CTTNBP2: variants seen among roughly 807,000 people sequenced by gnomAD.
CTTNBP2 encodes the protein cortactin binding protein 2.
Under a neutral mutation model 156.9 loss-of-function variants are expected in CTTNBP2, and 108 were observed. The ratio of observed to expected loss-of-function variants is 0.69; its 90% CI spans 0.59 to 0.81. The LOEUF is 0.81. CTTNBP2 is among the 30% of genes least tolerant of loss of function. The pLI is 0.00. For missense variants in CTTNBP2, 1,924 were observed against 2,035.4 expected, an observed-to-expected ratio of 0.95 and a Z score of 1.05; for synonymous variants, 767 against 751.8, an observed-to-expected ratio of 1.02 and a Z score of -0.33.
At chr7:117,736,406 T>C (rs1795691304) in intron 14 of CTTNBP2, among the ~76,000 whole-genome samples, 2 of 152,100 alleles carry the variant, frequency 1.3e-5, no homozygotes, top group South Asian at 2.1e-4. Context: ...TGCCACTGCA[T>C]TGCTGCCTGG....
chr7:117,711,627 ACTGCTG>A lies in CTTNBP2; in HGVS notation c.4896_4901del (p.Ser1633_Ser1634del). 6.2e-7 allele frequency: 1 copy of A among 1,613,974 alleles called. No homozygotes were observed. The highest frequency in any genetic ancestry group is 2.2e-5 in the East Asian group (1 of 44,866). On this transcript the variant is annotated inframe_deletion, in exon 23 of 23. Transcript: ENST00000160373. ...TGTTGATTTCTATTTGCCTTGTATT[ACTGCTG>A]CTGCTGCTTCTTTTGGTGTTCTGGG...
intron 3 of CTTNBP2, among the ~76,000 whole-genome samples, chr7:117,801,782 G>C (rs1799623377): frequency 6.6e-6 from 1 of 152,114 alleles, no homozygotes; most frequent in South Asian, 2.1e-4. Flanking sequence ...AAGCAGATTA[G>C]ATAAAATATA....
chr7:117,837,214 G>A (rs773685715), intron 2 of CTTNBP2, among the ~76,000 whole-genome samples: 1 of 152,140 alleles, frequency 6.6e-6, no homozygotes, highest in Non-Finnish European at 1.5e-5. Context: ...GAGGTATTCT[G>A]TCACTTGCAA....
intron 7 of CTTNBP2, among the ~76,000 whole-genome samples, chr7:117,779,520 C>T (rs1264271091): frequency 2.0e-5 from 3 of 150,968 alleles, no homozygotes; most frequent in South Asian, 4.2e-4. Context: ...TTTCATTCAG[C>T]CCTGTGATAC....
intron 4 of CTTNBP2, among the ~76,000 whole-genome samples, chr7:117,787,401 G>A (rs1798758397): frequency 6.6e-6 from 1 of 152,150 alleles, no homozygotes; most frequent in African/African-American, 2.4e-5. Flanking sequence ...AGCTTCAGAG[G>A]GTGGAGAAGG....
chr7:117,826,866 ATTATTATT>A (rs1801318977), intron 2 of CTTNBP2, among the ~76,000 whole-genome samples: 2 of 114,424 alleles, frequency 1.7e-5, no homozygotes, highest in Non-Finnish European at 3.7e-5. Flanking sequence ...TATTATTATT[ATTATTATT>A]ATTTTGAGAT....
At position 117,735,396 on chromosome 7, in the gene CTTNBP2, A is replaced by C; in HGVS notation, c.3561T>G (p.Ser1187=). Residue 1187 remains serine, a synonymous_variant, in exon 15 of 23, where the codon TCT becomes TCG. Coordinates refer to ENST00000160373, the MANE Select transcript of CTTNBP2 (RefSeq NM_033427.3). ...SSACLIPVKQ[S]PSKKKIIIIL... is the part of the protein sequence containing the mutation. ...TGATGATGATTTTCTTCTTACTGGG[A>C]GATTGTTTCACTGGGATCAGACAAG... is the stretch of plus-strand genomic sequence containing the variant. 1 of 1,613,414 alleles carries C rather than the reference A, an allele frequency of 6.2e-7. No individual in the cohort carries two copies. Among genetic ancestry groups the C allele is most frequent in the Non-Finnish European group, 8.5e-7 (1 of 1,179,618 alleles).
At chr7:117,774,661 C>G (rs1432997188) in intron 8 of CTTNBP2, among the ~76,000 whole-genome samples, 1 of 102,152 alleles carries the variant, frequency 9.8e-6, no homozygotes, top group Non-Finnish European at 1.8e-5. Flanking sequence ...TTCCACGAAA[C>G]TGGTCCCTGC....
chr7:117,814,186 T>C (rs1160125771), intron 2 of CTTNBP2, among the ~76,000 whole-genome samples: 2 of 152,132 alleles, frequency 1.3e-5, no homozygotes, highest in Admixed American at 1.3e-4. Context: ...GGTAAATACA[T>C]ATATCACAGA....
rs1801673153 is a variant in CTTNBP2 at position 117,832,536 on chromosome 7, T to TA, written c.190-21548_190-21547insT. Reference sequence around the variant, plus strand: ...ACTCTTTATTCTCTCTCTACTCTCATTTTTTTTTTACATACTACCACTCAT... The same window carrying TA: ...ACTCTTTATTCTCTCTCTACTCTCATATTTTTTTTTACATACTACCACTCAT... On this transcript the variant is annotated intron_variant, in intron 2 of 22. Transcript: ENST00000160373. 1.7e-5 allele frequency among the ~76,000 whole-genome samples: 2 copies of TA among 118,614 alleles called. 1 individual carries two copies. The highest frequency in any genetic ancestry group is 8.4e-5 in the African/African-American group (2 of 23,924). 77.8% of individuals were successfully genotyped at this position (118,614 alleles called of 152,430 possible). A position where few individuals can be genotyped will look rare whatever the true frequency, so the allele number is the denominator to read the frequency against.
intron 9 of CTTNBP2, among the ~76,000 whole-genome samples, chr7:117,764,352 C>T (rs1329459737): frequency 6.6e-6 from 1 of 152,176 alleles, no homozygotes; most frequent in Non-Finnish European, 1.5e-5. Context: ...AGCTAAATAC[C>T]TCTAAAGACT....
Position 117,719,569 on chromosome 7 carries a change from C to CA in CTTNBP2, c.4578_4579insT (p.Glu1527Ter). The CA allele has an allele frequency of 6.2e-7, 1 of 1,613,788 alleles. No homozygotes were observed. The highest frequency in any genetic ancestry group is 8.5e-7 in the Non-Finnish European group (1 of 1,179,736). On this transcript the variant is annotated frameshift_variant, in exon 21 of 23. Coordinates refer to ENST00000160373, the MANE Select transcript of CTTNBP2 (RefSeq NM_033427.3). LOFTEE classifies it high-confidence loss of function. The stretch of plus-strand genomic sequence containing the variant: ...TGAAGTTCCTTGACAAGATCTGCTT[C>CA]GTCATCTGAACCCAGAGAGAGTCTC...
At chr7:117,778,880 C>A (rs969220388) in intron 7 of CTTNBP2, among the ~76,000 whole-genome samples, 2 of 152,122 alleles carry the variant, frequency 1.3e-5, no homozygotes, top group Non-Finnish European at 2.9e-5. Context: ...CAGTATTTCA[C>A]ATTGCTATAC....
chr7:117,773,698 CA>C (rs1562992481), intron 8 of CTTNBP2, among the ~76,000 whole-genome samples: 2,106 of 129,946 alleles, frequency 0.016, 65 homozygotes, highest in African/African-American at 0.045. Flanking sequence ...CACACACACA[CA>C]CACACACACC....
intron 1 of CTTNBP2, chr7:117,871,743 T>C (rs575849364): frequency 5.9e-4 from 103 of 175,360 alleles, no homozygotes; most frequent in Non-Finnish European, 1.0e-3. Context: ...AAACCCATTC[T>C]GAGTGGATTA....
At chr7:117,870,276 T>C (rs961563289) in intron 1 of CTTNBP2, among the ~76,000 whole-genome samples, 4 of 152,228 alleles carry the variant, frequency 2.6e-5, no homozygotes, top group Admixed American at 6.5e-5. Flanking sequence ...GTGTTAAATC[T>C]ACGTTATTTC....
At chr7:117,819,365 T>TCACACACA (rs1308101221) in intron 2 of CTTNBP2, among the ~76,000 whole-genome samples, 75 of 136,910 alleles carry the variant, frequency 5.5e-4, no homozygotes, top group Non-Finnish European at 8.6e-4. Context: ...CTTCTCTCTC[T>TCACACACA]CTCACACACA....
At chr7:117,824,900 C>T (rs1001021241) in intron 2 of CTTNBP2, among the ~76,000 whole-genome samples, 4 of 152,174 alleles carry the variant, frequency 2.6e-5, no homozygotes, top group Admixed American at 6.5e-5. Context: ...TTAAATGTTA[C>T]GTTATCTTCC....
At chr7:117,835,037 C>T (rs1051763827) in intron 2 of CTTNBP2, among the ~76,000 whole-genome samples, 3 of 152,166 alleles carry the variant, frequency 2.0e-5, no homozygotes, top group Admixed American at 6.5e-5. Flanking sequence ...TAATTGCCAG[C>T]GTCAATAAAA....
Sources: allele counts gnomAD v4.1 joint callset (sites outside exome capture counted in the v4.1 genomes callset), GRCh38; gene constraint gnomAD v4.1.1; transcripts MANE v1.5; gene names NCBI Gene and HGNC (gene_info 2026-07-23, HGNC 2026-07-21).